The following STXBP6 variants were observed in gnomAD, a reference collection of about 807,000 sequenced individuals.
STXBP6 encodes the protein syntaxin binding protein 6.
STXBP6 carries 21 observed loss-of-function variants against 26.9 expected under a neutral mutation model. The ratio of observed to expected loss-of-function variants is 0.78; its 90% confidence interval spans 0.55 to 1.12. The LOEUF is 1.12. STXBP6 is among the 50% of genes most tolerant of loss of function. STXBP6 has a pLI of 0.00. For missense variants in STXBP6, 232 were observed against 257.9 expected (o/e 0.90, Z 0.69); for synonymous variants, 97 against 92.6 (o/e 1.05, Z -0.27).
chr14:24,852,031 T>A (rs1319122705), intron 4 of STXBP6, among the ~76,000 whole-genome samples: 1 of 152,154 alleles, frequency 6.6e-6, no homozygotes. Context: ...AGATTATAGC[T>A]TAACTCTCTT....
intron 1 of STXBP6, among the ~76,000 whole-genome samples, chr14:25,015,063 A>G (rs1347970567): frequency 6.6e-6 from 1 of 152,220 alleles, no homozygotes; most frequent in African/African-American, 2.4e-5. Context: ...TTTGACTTAG[A>G]TAAACGAACA....
Position 24,833,580 on chromosome 14 carries a change from T to G in STXBP6, c.452-14386A>C, listed in dbSNP as rs150086269. ...TTGGTTTTATAAGGATGTGATGAGG[T>G]TACTATTTATACCTAAATCCTTATT... On this transcript the variant is annotated intron_variant, in intron 4 of 5. Coordinates refer to ENST00000323944, the MANE Select transcript of STXBP6 (RefSeq NM_001394410.1). 3.5e-4 allele frequency among the ~76,000 whole-genome samples: 53 copies of G among 152,314 alleles called. 1 individual carries two copies. In the East Asian group the frequency reaches 9.8e-3, roughly 28 times the overall value.
chr14:25,005,144 GACATTTATTT>G (rs2074859927), intron 1 of STXBP6, among the ~76,000 whole-genome samples: 1 of 152,034 alleles, frequency 6.6e-6, no homozygotes, highest in African/African-American at 2.4e-5. Flanking sequence ...CTCATTAAAA[GACATTTATTT>G]ACCTTTTTAA....
At chr14:24,847,531 A>T (rs1594953854) in intron 4 of STXBP6, among the ~76,000 whole-genome samples, 5 of 152,290 alleles carry the variant, frequency 3.3e-5, no homozygotes, top group Admixed American at 3.3e-4. Context: ...CCAAAATTTT[A>T]AAAAACTTTC....
chr14:25,025,277 T>C (rs2075330300), intron 1 of STXBP6, among the ~76,000 whole-genome samples: 1 of 152,104 alleles, frequency 6.6e-6, no homozygotes, highest in South Asian at 2.1e-4. Context: ...TAATGAGATA[T>C]ATATTAGGGA....
At chr14:25,011,232 TAATTATGACAC>T (rs746315167) in intron 1 of STXBP6, among the ~76,000 whole-genome samples, 22,517 of 152,120 alleles carry the variant, frequency 0.15, 1,885 homozygotes, top group African/African-American at 0.22. Flanking sequence ...AACCACAAAG[TAATTATGACAC>T]ACCTGACATA....
chr14:25,031,503 T>C (rs974763478), intron 1 of STXBP6, among the ~76,000 whole-genome samples: 16 of 152,142 alleles, frequency 1.1e-4, no homozygotes, highest in African/African-American at 3.4e-4. Context: ...ATACATAGAA[T>C]AGATTCTTTC....
Position 24,857,123 on chromosome 14 carries a change from T to C in STXBP6, c.189A>G (p.Thr63=). 10 of 1,613,020 alleles carry C rather than the reference T, an allele frequency of 6.2e-6. No individual in the cohort carries two copies. The highest frequency in any genetic ancestry group is 8.5e-6 in the Non-Finnish European group (10 of 1,179,232). The change falls in exon 3 of 6, where the codon ACA becomes ACG. Residue 63 remains threonine (T), a synonymous_variant. Transcript: ENST00000323944. ...TGGAGCCTTCAAACTGTTTGACCTT[T>C]GTGATGGACGCCTGTGTGGGTTTCT... ...TNKKPTQASI[T]KVKQFEGSTS... is the part of the protein sequence containing the mutation.
chr14:25,023,355 T>C (rs1337647233), intron 1 of STXBP6, among the ~76,000 whole-genome samples: 4 of 152,180 alleles, frequency 2.6e-5, no homozygotes, highest in Non-Finnish European at 4.4e-5. Context: ...CTATTGAAAT[T>C]CTTTTTGTTT....
At chr14:24,931,919 T>C (rs2072426631) in intron 2 of STXBP6, among the ~76,000 whole-genome samples, 1 of 151,874 alleles carries the variant, frequency 6.6e-6, no homozygotes, top group African/African-American at 2.4e-5. Flanking sequence ...GACAAACAAA[T>C]GCAAAAGTCC....
intron 1 of STXBP6, among the ~76,000 whole-genome samples, chr14:25,042,600 G>A (rs2075661193): frequency 6.6e-6 from 1 of 152,184 alleles, no homozygotes; most frequent in Admixed American, 6.5e-5. Flanking sequence ...ACACGTTAAT[G>A]GTAGAGCTAT....
At chr14:24,909,583 C>T (rs1265934900) in intron 2 of STXBP6, among the ~76,000 whole-genome samples, 1 of 151,896 alleles carries the variant, frequency 6.6e-6, no homozygotes, top group Non-Finnish European at 1.5e-5. Context: ...GAGTTCAAGT[C>T]CAGCCTGGGC....
intron 2 of STXBP6, among the ~76,000 whole-genome samples, chr14:24,858,902 G>A (rs1594977537): frequency 6.6e-6 from 1 of 152,234 alleles, no homozygotes; most frequent in East Asian, 1.9e-4. Flanking sequence ...AATGCACAAA[G>A]AGAATTTCCT....
At chr14:24,831,406 A>G (rs2068450132) in intron 4 of STXBP6, among the ~76,000 whole-genome samples, 2 of 152,200 alleles carry the variant, frequency 1.3e-5, no homozygotes, top group South Asian at 2.1e-4. Flanking sequence ...GTACAGGACC[A>G]TATATCACAT....
intron 1 of STXBP6, among the ~76,000 whole-genome samples, chr14:24,982,036 G>A (rs545077460): frequency 1.3e-5 from 2 of 152,146 alleles, no homozygotes; most frequent in African/African-American, 2.4e-5. Context: ...TTGCCAAAAC[G>A]TTAATATGAT....
intron 1 of STXBP6, among the ~76,000 whole-genome samples, chr14:24,978,941 G>A (rs1022970951): frequency 1.3e-5 from 2 of 152,198 alleles, no homozygotes; most frequent in Admixed American, 1.3e-4. Context: ...GTTTCCAGTA[G>A]TGGAACTGGT....
chr14:24,908,903 C>T (rs1310366374), intron 2 of STXBP6, among the ~76,000 whole-genome samples: 1 of 152,180 alleles, frequency 6.6e-6, no homozygotes, highest in Non-Finnish European at 1.5e-5. Flanking sequence ...CTAGATTACA[C>T]AGCTCAAGGA....
chr14:24,968,657 C>T (rs2140164835), intron 2 of STXBP6, among the ~76,000 whole-genome samples: 1 of 152,216 alleles, frequency 6.6e-6, no homozygotes, highest in South Asian at 2.1e-4. Context: ...TATAAAACTT[C>T]CATGGGGGTT....
intron 2 of STXBP6, among the ~76,000 whole-genome samples, chr14:24,862,079 C>T (rs2069559007): frequency 6.6e-6 from 1 of 152,188 alleles, no homozygotes; most frequent in Non-Finnish European, 1.5e-5. Context: ...CTCAGTGCAG[C>T]CTCAATCTCC....
Sources: gnomAD v4.1 joint callset for allele counts (sites outside exome capture counted in the v4.1 genomes callset) on GRCh38, gnomAD v4.1.1 for gene constraint, MANE v1.5 for transcripts, NCBI Gene and HGNC (gene_info 2026-07-23, HGNC 2026-07-21) for gene names.